The following GABRA2 variants were observed in gnomAD, a reference collection of about 807,000 sequenced individuals.
GABRA2 encodes gamma-aminobutyric acid type A receptor subunit alpha2, also known as gamma-aminobutyric acid receptor subunit alpha-2.
In GABRA2, 16 loss-of-function variants were observed where a neutral mutation model predicts 48.7. The observed-to-expected ratio is 0.33, with a 90% CI of 0.22 to 0.50. GABRA2 has a LOEUF of 0.50. Among genes scored for constraint, GABRA2 ranks in the 20% least tolerant of loss-of-function variants. The pLI is 0.98. For synonymous variants in GABRA2, 185 were observed against 184.5 expected, an observed-to-expected ratio of 1.00 and a Z score of -0.02; for missense variants, 275 against 535.6, an observed-to-expected ratio of 0.51 and a Z score of 4.80.
At chr4:46,295,471 G>A (rs1322994524) in intron 8 of GABRA2, among the ~76,000 whole-genome samples, 1 of 152,210 alleles carries the variant, frequency 6.6e-6, no homozygotes, top group Admixed American at 6.5e-5. Context: ...CTCAGCAGAA[G>A]AGGACTTTAA....
chr4:46,376,103 G>C (rs141649781), intron 3 of GABRA2, among the ~76,000 whole-genome samples: 3 of 152,074 alleles, frequency 2.0e-5, no homozygotes, highest in Non-Finnish European at 4.4e-5. Flanking sequence ...CACCTTGTAC[G>C]TCTTTATATC....
intron 3 of GABRA2, chr4:46,363,700 T>C (rs1312065356): frequency 6.6e-6 from 1 of 152,132 alleles, no homozygotes; most frequent in African/African-American, 2.4e-5. Context: ...TATAAGAACA[T>C]TAACAATCTT....
chr4:46,357,575 C>T (rs1428538964), intron 3 of GABRA2, among the ~76,000 whole-genome samples: 1 of 151,140 alleles, frequency 6.6e-6, no homozygotes, highest in Non-Finnish European at 1.5e-5. Flanking sequence ...ATACAATGTG[C>T]CAGGCACTGT....
At chr4:46,259,228 A>C (rs1226842064) in intron 9 of GABRA2, among the ~76,000 whole-genome samples, 1 of 151,888 alleles carries the variant, frequency 6.6e-6, no homozygotes, top group Non-Finnish European at 1.5e-5. Context: ...AAAACACCGG[A>C]TATGAAAAAG....
chr4:46,243,920 A>AT lies in GABRA2; in HGVS notation c.*6387dup, dbSNP rs1416287099. On this transcript the variant is annotated 3_prime_UTR_variant, in exon 10 of 10. Transcript: ENST00000381620. ...ATTCAAATGTAGCAATAAGTATGAC[A>AT]TTTTTTAAAGTTTTCACTCACATCA... The AT allele has an allele frequency of 6.6e-6, 1 of 151,686 alleles. No homozygotes were observed. Among genetic ancestry groups the AT allele is most frequent in the East Asian group, 2.0e-4 (1 of 5,126 alleles). The allele number at this position is 151,686 out of a possible 1,614,324, so 9.4% of individuals were successfully genotyped here.
At chr4:46,335,284 C>T (rs1732027233) in intron 3 of GABRA2, among the ~76,000 whole-genome samples, 1 of 152,084 alleles carries the variant, frequency 6.6e-6, no homozygotes, top group Non-Finnish European at 1.5e-5. Context: ...GTATCATCTG[C>T]TCAGGTTTGT....
intron 4 of GABRA2, among the ~76,000 whole-genome samples, chr4:46,327,801 G>A (rs956724582): frequency 1.3e-5 from 2 of 152,004 alleles, no homozygotes; most frequent in African/African-American, 4.8e-5. Context: ...ATACTTACCA[G>A]ACTGCCTGCT....
At chr4:46,388,519 C>A in intron 2 of GABRA2, 117 bp downstream of exon 2, 1 of 1,221,900 alleles carries the variant, frequency 8.2e-7, no homozygotes, top group Non-Finnish European at 1.2e-6. Flanking sequence ...TCCCCATACA[C>A]CCCCTTTTCT....
At chr4:46,292,770 C>A (rs1723919231) in intron 8 of GABRA2, among the ~76,000 whole-genome samples, 1 of 152,134 alleles carries the variant, frequency 6.6e-6, no homozygotes, top group Admixed American at 6.5e-5. Context: ...GTGGATTACT[C>A]ACTTTAGACC....
intron 3 of GABRA2, chr4:46,368,978 TAC>T (rs1438418601): frequency 1.4e-6 from 1 of 701,174 alleles, no homozygotes. Context: ...AAGGCTATGT[TAC>T]ACAGACTGGA....
intron 3 of GABRA2, chr4:46,364,365 C>T (rs755235631): frequency 3.3e-5 from 5 of 152,174 alleles, no homozygotes; most frequent in Admixed American, 6.5e-5. Context: ...AGTAGATATG[C>T]TAGTTTTCTA....
intron 3 of GABRA2, chr4:46,364,215 C>T (rs915530484): frequency 1.3e-5 from 2 of 152,190 alleles, no homozygotes; most frequent in African/African-American, 2.4e-5. Context: ...ATATGTGCTT[C>T]GATATTCTTA....
At chr4:46,268,169 A>T (rs528148675) in intron 8 of GABRA2, among the ~76,000 whole-genome samples, 1 of 152,084 alleles carries the variant, frequency 6.6e-6, no homozygotes, top group African/African-American at 2.4e-5. Context: ...GACTGTGAAA[A>T]CATAGGCAAC....
intron 3 of GABRA2, 126 bp downstream of exon 3, chr4:46,385,948 C>T: frequency 1.6e-6 from 1 of 615,356 alleles, no homozygotes; most frequent in Non-Finnish European, 2.8e-6. Context: ...ATCTTACTTT[C>T]TATTTTCTAT....
chr4:46,256,499 A>G, intron 9 of GABRA2: 1 of 411,712 alleles, frequency 2.4e-6, no homozygotes, highest in African/African-American at 2.1e-5. Flanking sequence ...TCAAAAGGCA[A>G]TTTCAGTGTA....
rs961577254 is a variant in GABRA2, at chr4:46,244,337, T to G, written c.*5971A>C. 6.6e-6 allele frequency: 1 copy of G among 151,682 alleles called. No individual in the cohort carries two copies. Among genetic ancestry groups the G allele is most frequent in the African/African-American group, 2.4e-5 (1 of 41,408 alleles). 9.4% of individuals were successfully genotyped at this position (151,682 alleles called of 1,614,324 possible). On this transcript the variant is annotated 3_prime_UTR_variant, in exon 10 of 10. Coordinates refer to ENST00000381620, the MANE Select transcript of GABRA2 (RefSeq NM_000807.4). ...TAACTCTTGCTTTCTTAGCATCAGTTGTTTTTACAAATAAACTTTGTTGGA... is the reference window on the plus strand; with the variant it reads ...TAACTCTTGCTTTCTTAGCATCAGTGGTTTTTACAAATAAACTTTGTTGGA...
At chr4:46,258,782 T>A (rs1164350080) in intron 9 of GABRA2, among the ~76,000 whole-genome samples, 1 of 151,764 alleles carries the variant, frequency 6.6e-6, no homozygotes, top group Non-Finnish European at 1.5e-5. Context: ...AGTAAAAAAA[T>A]TTAATGGGGA....
chr4:46,385,570 G>A (rs1717336867), intron 3 of GABRA2, among the ~76,000 whole-genome samples: 1 of 152,054 alleles, frequency 6.6e-6, no homozygotes, highest in African/African-American at 2.4e-5. Context: ...TAACAAAGTT[G>A]TGCTGTATTC....
intron 4 of GABRA2, among the ~76,000 whole-genome samples, chr4:46,326,810 A>C (rs765302809): frequency 6.6e-6 from 1 of 151,966 alleles, no homozygotes; most frequent in Admixed American, 6.6e-5. Flanking sequence ...ATCTCCAATT[A>C]AAGTCTCAAA....
Sources: gnomAD v4.1 joint callset for allele counts (sites outside exome capture counted in the v4.1 genomes callset) on GRCh38, gnomAD v4.1.1 for gene constraint, MANE v1.5 for transcripts, NCBI Gene and HGNC (gene_info 2026-07-23, HGNC 2026-07-21) for gene names.